Variants in IMPG1 observed in about 807,000 individuals in gnomAD.
IMPG1 encodes interphotoreceptor matrix proteoglycan of 150 kDa.
In IMPG1, 85 loss-of-function variants were observed where a neutral mutation model predicts 92.0. That is an observed-to-expected ratio of 0.92 (90% CI 0.78 to 1.11). The LOEUF (loss-of-function observed/expected upper bound fraction) is 1.11, where lower values mean the gene tolerates loss of function less well. IMPG1 is among the 50% of genes least tolerant of loss of function. The pLI, the probability that IMPG1 is intolerant of heterozygous loss-of-function variation, is 0.00. For missense variants in IMPG1, 1,022 were observed against 956.0 expected, an observed-to-expected ratio of 1.07 and a Z score of -0.91; for synonymous variants, 367 against 334.1, an observed-to-expected ratio of 1.10 and a Z score of -1.08.
intron 14 of IMPG1, among the ~76,000 whole-genome samples, chr6:75,941,492 T>A (rs1781835740): frequency 6.6e-6 from 1 of 152,256 alleles, no homozygotes; most frequent in South Asian, 2.1e-4. Flanking sequence ...TTTTAAATGG[T>A]TAACTTTTAA....
rs148884179 is a variant in IMPG1 at position 76,048,662 on chromosome 6, G to A, written c.68-6536C>T. 8.1e-3 allele frequency among the ~76,000 whole-genome samples: 1,227 copies of A among 151,948 alleles called. 45 individuals are homozygous for A. The highest frequency in any genetic ancestry group is 0.057 in the Admixed American group (876 of 15,252). On this transcript the variant is annotated intron_variant, in intron 1 of 16. Transcript: ENST00000369950. ...ATTATTTCTAGAAGCACACAAACAC[G>A]CTATTATTTTACCTCTATTAAAAAA...
intron 2 of IMPG1, among the ~76,000 whole-genome samples, chr6:76,037,189 G>A (rs944987571): frequency 1.3e-5 from 2 of 152,170 alleles, no homozygotes; most frequent in African/African-American, 4.8e-5. Context: ...ATGCCTATAT[G>A]TTATTCCTTC....
At position 75,974,412 on chromosome 6, in the gene IMPG1, C is replaced by CCTTCCTTCCTTG. The variant is rs1372351635; in HGVS notation, c.1292-23319_1292-23318insCAAGGAAGGAAG. ...CTTTCTTTTCTTTCTTTCCTTCCTT[C>CCTTCCTTCCTTG]CTTCCTTCCTTCCTTGCTTCCTTCC... On this transcript the variant is annotated intron_variant, in intron 12 of 16. Coordinates refer to ENST00000369950, the MANE Select transcript of IMPG1 (RefSeq NM_001563.4). Among the ~76,000 whole-genome samples the CCTTCCTTCCTTG allele has an allele frequency of 6.5e-3, 816 of 125,452 alleles. 2 individuals are homozygous for CCTTCCTTCCTTG. The highest frequency in any genetic ancestry group is 0.013 in the South Asian group (45 of 3,440). 82.3% of individuals were successfully genotyped at this position (125,452 alleles called of 152,430 possible).
chr6:76,043,414 T>C (rs1582126105), intron 1 of IMPG1, among the ~76,000 whole-genome samples: 1 of 152,108 alleles, frequency 6.6e-6, no homozygotes, highest in Admixed American at 6.6e-5. Flanking sequence ...CTCAATATTG[T>C]AGAGGGTGGA....
intron 14 of IMPG1, among the ~76,000 whole-genome samples, chr6:75,938,963 G>A (rs1249304305): frequency 6.6e-6 from 1 of 152,162 alleles, no homozygotes; most frequent in Non-Finnish European, 1.5e-5. Context: ...AGTGATGAGA[G>A]TAACTGGGAC....
intron 8 of IMPG1, among the ~76,000 whole-genome samples, chr6:76,008,305 C>T (rs1409951316): frequency 6.6e-6 from 1 of 152,146 alleles, no homozygotes; most frequent in Non-Finnish European, 1.5e-5. Flanking sequence ...AACTGATGAA[C>T]ACATTTTGCA....
chr6:75,997,613 G>A lies in IMPG1; in HGVS notation c.1291+5305C>T, dbSNP rs571550776. ...TTGCCTTACACGTGAGGCTGTCTGA[G>A]GAGCTGCGTGGGTACCAGCACAGGG... On this transcript the variant is annotated intron_variant, in intron 12 of 16. Coordinates refer to ENST00000369950, the MANE Select transcript of IMPG1 (RefSeq NM_001563.4). Among the ~76,000 whole-genome samples, 4 of 152,272 alleles carry A rather than the reference G, an allele frequency of 2.6e-5. No homozygotes were observed. The South Asian group carries it at 8.3e-4, about 32-fold the overall frequency.
At chr6:75,983,933 AGAC>A (rs1368574579) in intron 12 of IMPG1, among the ~76,000 whole-genome samples, 2 of 152,212 alleles carry the variant, frequency 1.3e-5, no homozygotes, top group Non-Finnish European at 2.9e-5. Context: ...GCTCAAAAGA[AGAC>A]ACCCAAATGG....
chr6:76,062,977 G>A (rs1784232012), intron 1 of IMPG1, among the ~76,000 whole-genome samples: 1 of 151,920 alleles, frequency 6.6e-6, no homozygotes, highest in African/African-American at 2.4e-5. Flanking sequence ...GCCGAGGTGA[G>A]TGGATTATTT....
At chr6:75,927,358 C>T (rs890322579) in intron 15 of IMPG1, among the ~76,000 whole-genome samples, 2 of 152,088 alleles carry the variant, frequency 1.3e-5, no homozygotes, top group African/African-American at 4.8e-5. Flanking sequence ...AACTTTAAAA[C>T]CTCTAATTGT....
At position 76,015,484 on chromosome 6, in the gene IMPG1, T is replaced by C. The variant is rs370138454; in HGVS notation, c.807+3234A>G. ...GCAGGATGTACTCTTCTTTGGCTTA[T>C]AAGTTTTTCAGAGGCTAGCAAGACA... On this transcript the variant is annotated intron_variant, in intron 7 of 16. Transcript: ENST00000369950. 1.4e-3 allele frequency among the ~76,000 whole-genome samples: 208 copies of C among 152,242 alleles called. 1 individual carries two copies. The highest frequency in any genetic ancestry group is 4.8e-3 in the African/African-American group (199 of 41,536).
intron 12 of IMPG1, among the ~76,000 whole-genome samples, chr6:75,977,626 G>T (rs1416819409): frequency 6.7e-6 from 1 of 149,816 alleles, no homozygotes; most frequent in African/African-American, 2.4e-5. Context: ...CAAAAAACAA[G>T]CATACATTTT....
At chr6:76,036,906 A>G (rs1783750501) in intron 2 of IMPG1, among the ~76,000 whole-genome samples, 1 of 152,322 alleles carries the variant, frequency 6.6e-6, no homozygotes, top group Non-Finnish European at 1.5e-5. Context: ...AAACTTGACA[A>G]AAAACTAGAT....
intron 1 of IMPG1, among the ~76,000 whole-genome samples, chr6:76,065,470 G>C (rs186982027): frequency 6.6e-6 from 1 of 152,052 alleles, no homozygotes; most frequent in Non-Finnish European, 1.5e-5. Context: ...CAATAGACTA[G>C]ACCAAGTGAA....
At chr6:75,934,842 T>C (rs1198151966) in intron 14 of IMPG1, 3 of 420,020 alleles carry the variant, frequency 7.1e-6, no homozygotes, top group Non-Finnish European at 1.5e-5. Context: ...CCGCATGTCC[T>C]ACTGGCTGTG....
intron 7 of IMPG1, among the ~76,000 whole-genome samples, chr6:76,016,737 T>G (rs1783296418): frequency 2.0e-5 from 3 of 152,190 alleles, no homozygotes; most frequent in Admixed American, 6.5e-5. Flanking sequence ...AGTTCTTGGT[T>G]ACGTAATCTC....
intron 12 of IMPG1, 108 bp downstream of exon 12, chr6:76,002,810 T>C: frequency 1.2e-6 from 1 of 829,180 alleles, no homozygotes; most frequent in Non-Finnish European, 2.0e-6. Flanking sequence ...AGTGAACCTT[T>C]TCCTGGGTTC....
chr6:75,992,282 C>G (rs1311843482), intron 12 of IMPG1, among the ~76,000 whole-genome samples: 1 of 152,190 alleles, frequency 6.6e-6, no homozygotes, highest in Non-Finnish European at 1.5e-5. Context: ...TGAGCCAGCT[C>G]CTTAAATAAA....
At chr6:75,999,804 T>C (rs1305433090) in intron 12 of IMPG1, among the ~76,000 whole-genome samples, 1 of 152,222 alleles carries the variant, frequency 6.6e-6, no homozygotes, top group Non-Finnish European at 1.5e-5. Context: ...TGAGATATAA[T>C]TTCTACTTAT....
Sources: gnomAD v4.1 joint callset for allele counts (sites outside exome capture counted in the v4.1 genomes callset) on GRCh38, gnomAD v4.1.1 for gene constraint, MANE v1.5 for transcripts, NCBI Gene and HGNC (gene_info 2026-07-23, HGNC 2026-07-21) for gene names.